POMK: variants seen among roughly 807,000 people sequenced by gnomAD.
The protein encoded by POMK is protein O-mannose kinase.
Under a neutral mutation model 23.0 loss-of-function variants are expected in POMK, and 19 were observed. The ratio of observed to expected loss-of-function variants is 0.83; its 90% confidence interval spans 0.58 to 1.21. The LOEUF (loss-of-function observed/expected upper bound fraction) is 1.21. POMK is among the 50% of genes most tolerant of loss of function. The probability of loss-of-function intolerance (pLI) is 0.00; values close to 1 mark genes in which losing one functional copy is unlikely to be tolerated. For synonymous variants in POMK, 173 were observed against 171.6 expected, an observed-to-expected ratio of 1.01 and a Z score of -0.06; for missense variants, 410 against 431.3, an observed-to-expected ratio of 0.95 and a Z score of 0.44.
At chr8:43,111,669 C>T (rs1483836189) in intron 4 of POMK, among the ~76,000 whole-genome samples, 1 of 152,190 alleles carries the variant, frequency 6.6e-6, no homozygotes, top group Admixed American at 6.5e-5. Context: ...GGAGGCACCC[C>T]CCAGTAGGGG....
chr8:43,094,553 C>A (rs894426962), intron 1 of POMK, among the ~76,000 whole-genome samples: 1 of 152,016 alleles, frequency 6.6e-6, no homozygotes, highest in African/African-American at 2.4e-5. Context: ...CTTGTCTTTG[C>A]CACCCTTTGC....
intron 4 of POMK, among the ~76,000 whole-genome samples, chr8:43,115,747 A>G (rs1811785312): frequency 6.6e-6 from 1 of 152,236 alleles, no homozygotes; most frequent in South Asian, 2.1e-4. Context: ...AAATAGTGTC[A>G]TTCCTCTGCT....
rs1396123715 is a variant in POMK, at chr8:43,120,300, C to T, written c.283-1807C>T. On this transcript the variant is annotated intron_variant, in intron 4 of 4. Transcript: ENST00000331373. ...GATCTTGGCTCTCTGCAACCTCCAC[C>T]TCCTGGGGTTCAAGCTACTCTTCTG... Among the ~76,000 whole-genome samples, 4 of 152,018 alleles carry T rather than the reference C, an allele frequency of 2.6e-5. No individual in the cohort carries two copies. The East Asian group carries it at 7.7e-4, about 29-fold the overall frequency.
intron 3 of POMK, among the ~76,000 whole-genome samples, 161 bp downstream of exon 3, chr8:43,102,761 A>G (rs1010114296): frequency 2.6e-5 from 4 of 152,186 alleles, no homozygotes; most frequent in African/African-American, 9.7e-5. Flanking sequence ...CACCTCTGCC[A>G]TCCACGGTCC....
At chr8:43,108,394 A>G (rs1811586573) in intron 4 of POMK, among the ~76,000 whole-genome samples, 1 of 152,254 alleles carries the variant, frequency 6.6e-6, no homozygotes, top group African/African-American at 2.4e-5. Flanking sequence ...TGTATTTATG[A>G]AAATAACTGT....
In POMK at chr8:43,122,246, G is replaced by C. The variant is rs1168857297; in HGVS notation, c.422G>C (p.Cys141Ser). 4 of 1,614,182 alleles carry C rather than the reference G, an allele frequency of 2.5e-6. No homozygotes were observed. Among genetic ancestry groups the C allele is most frequent in the Non-Finnish European group, 3.4e-6 (4 of 1,180,032 alleles). ...CATGTTGTCACGCTGCTTGGCTATT[G>C]TGAGGATGACAACACTATGCTTACT... ...GTHVVTLLGY[C>S]EDDNTMLTEY... The change falls in exon 5 of 5, where the codon TGT becomes TCT. Residue 141 changes from cysteine (C) to serine (S), a missense_variant. Physicochemically the swap from Cys to Ser is moderately radical, Grantham distance 112. Transcript: ENST00000331373.
chr8:43,095,480 A>G (rs1405963976), intron 1 of POMK, among the ~76,000 whole-genome samples: 1 of 152,218 alleles, frequency 6.6e-6, no homozygotes, highest in African/African-American at 2.4e-5. Context: ...CAAGAAATGC[A>G]TTAAAGGTTT....
intron 3 of POMK, among the ~76,000 whole-genome samples, chr8:43,102,917 C>T (rs1811473480): frequency 6.6e-6 from 1 of 152,234 alleles, no homozygotes; most frequent in Non-Finnish European, 1.5e-5. Context: ...TATTCTAGCT[C>T]ATGTACTTGT....
intron 4 of POMK, among the ~76,000 whole-genome samples, chr8:43,107,364 A>G (rs1811563506): frequency 1.3e-5 from 2 of 152,172 alleles, no homozygotes; most frequent in Admixed American, 1.3e-4. Context: ...TTATTTGCAT[A>G]AAGCGCATCA....
intron 2 of POMK, among the ~76,000 whole-genome samples, chr8:43,099,866 G>A (rs951621179): frequency 4.6e-5 from 7 of 152,172 alleles, no homozygotes; most frequent in Admixed American, 6.5e-5. Context: ...GGATGATCTC[G>A]TTAGATGATC....
At chr8:43,111,384 G>A (rs1381791845) in intron 4 of POMK, among the ~76,000 whole-genome samples, 6 of 152,294 alleles carry the variant, frequency 3.9e-5, no homozygotes, top group East Asian at 1.9e-4. Flanking sequence ...AGGGGCGCCC[G>A]CCATTGCTCA....
intron 4 of POMK, among the ~76,000 whole-genome samples, chr8:43,116,273 A>G (rs1811796607): frequency 6.6e-6 from 1 of 152,158 alleles, no homozygotes; most frequent in African/African-American, 2.4e-5. Context: ...TAAGTTAATT[A>G]TATTCTTTTT....
chr8:43,097,207 A>C (rs1383611320), intron 1 of POMK, among the ~76,000 whole-genome samples: 1 of 152,256 alleles, frequency 6.6e-6, no homozygotes, highest in Admixed American at 6.5e-5. Flanking sequence ...GATTTATTAA[A>C]ACACAGATGT....
chr8:43,118,916 A>G (rs1034383933), intron 4 of POMK, among the ~76,000 whole-genome samples: 5 of 152,074 alleles, frequency 3.3e-5, no homozygotes, highest in Non-Finnish European at 7.4e-5. Flanking sequence ...CCATTCTGCC[A>G]TTCTCCTGCC....
At chr8:43,101,076 G>A (rs147611215) in intron 2 of POMK, among the ~76,000 whole-genome samples, 1 of 152,154 alleles carries the variant, frequency 6.6e-6, no homozygotes, top group East Asian at 1.9e-4. Context: ...AATGTGTTGA[G>A]GTTCCAGGGA....
intron 4 of POMK, among the ~76,000 whole-genome samples, chr8:43,106,509 C>CTTTTTTTTTT (rs1221471764): frequency 8.7e-6 from 1 of 115,218 alleles, no homozygotes; most frequent in African/African-American, 3.2e-5. Context: ...TTTACTTTTG[C>CTTTTTTTTTT]TTTTTTTTTT....
At chr8:43,112,142 C>A (rs1811684943) in intron 4 of POMK, among the ~76,000 whole-genome samples, 1 of 152,004 alleles carries the variant, frequency 6.6e-6, no homozygotes, top group Non-Finnish European at 1.5e-5. Context: ...AAGTTCGAAC[C>A]AATGGGAAAG....
At chr8:43,114,320 A>G (rs1055631706) in intron 4 of POMK, among the ~76,000 whole-genome samples, 3 of 151,842 alleles carry the variant, frequency 2.0e-5, no homozygotes, top group Non-Finnish European at 2.9e-5. Context: ...AATGGCGGGC[A>G]CCCCTCCCCC....
intron 2 of POMK, among the ~76,000 whole-genome samples, chr8:43,101,077 G>T (rs1045844983): frequency 6.6e-6 from 1 of 152,054 alleles, no homozygotes; most frequent in African/African-American, 2.4e-5. Context: ...ATGTGTTGAG[G>T]TTCCAGGGAA....
Sources: allele counts gnomAD v4.1 joint callset (sites outside exome capture counted in the v4.1 genomes callset), GRCh38; gene constraint gnomAD v4.1.1; transcripts MANE v1.5; gene names NCBI Gene and HGNC (gene_info 2026-07-23, HGNC 2026-07-21).